EFL1: variants seen among roughly 807,000 people sequenced by gnomAD.
EFL1 encodes elongation factor like GTPase 1.
EFL1 carries 76 observed loss-of-function variants against 126.7 expected under a neutral mutation model. The ratio of observed to expected loss-of-function variants is 0.60; its 90% CI spans 0.50 to 0.73. EFL1 has a LOEUF of 0.73. Among genes scored for constraint, EFL1 ranks in the 30% least tolerant of loss-of-function variants. EFL1 has a pLI of 0.00. For synonymous variants in EFL1, 410 were observed against 448.4 expected (o/e 0.91, Z 1.08); for missense variants, 1,128 against 1,343.2 (o/e 0.84, Z 2.50).
At chr15:82,160,021 A>G (rs1285854643) in intron 16 of EFL1, 1 of 152,332 alleles carries the variant, frequency 6.6e-6, no homozygotes, top group African/African-American at 2.4e-5. Flanking sequence ...GATGGCTCCA[A>G]TCATCCTTGC....
intron 9 of EFL1, among the ~76,000 whole-genome samples, chr15:82,228,603 G>A (rs1245327632): frequency 6.6e-6 from 1 of 152,074 alleles, no homozygotes; most frequent in Non-Finnish European, 1.5e-5. Context: ...TTACAAATAA[G>A]TGCTAACAAG....
At chr15:82,143,406 G>A (rs972495070) in intron 18 of EFL1, among the ~76,000 whole-genome samples, 2 of 152,202 alleles carry the variant, frequency 1.3e-5, no homozygotes, top group African/African-American at 4.8e-5. Flanking sequence ...AGGAGAAAGA[G>A]CATTCTTTCA....
At chr15:82,255,391 G>A (rs1218584623) in intron 3 of EFL1, among the ~76,000 whole-genome samples, 1 of 152,140 alleles carries the variant, frequency 6.6e-6, no homozygotes, top group African/African-American at 2.4e-5. Context: ...GTTATTTATA[G>A]TCTCTGAATA....
intron 19 of EFL1, among the ~76,000 whole-genome samples, chr15:82,135,564 C>T (rs2073711856): frequency 6.6e-6 from 1 of 152,156 alleles, no homozygotes; most frequent in Non-Finnish European, 1.5e-5. Flanking sequence ...ATCATAGCTA[C>T]TTTACTCTGC....
intron 1 of EFL1, 128 bp downstream of exon 1, chr15:82,262,486 C>G (rs2075136506): frequency 5.2e-6 from 1 of 193,494 alleles, no homozygotes; most frequent in Admixed American, 6.4e-5. Flanking sequence ...CTCCGGGGAC[C>G]GAAGCTCCCA....
intron 4 of EFL1, among the ~76,000 whole-genome samples, chr15:82,245,780 A>T (rs540821765): frequency 2.6e-5 from 4 of 152,006 alleles, no homozygotes; most frequent in East Asian, 3.9e-4. Flanking sequence ...AAAAAAATTT[A>T]AAAAATTAGC....
intron 15 of EFL1, among the ~76,000 whole-genome samples, chr15:82,211,559 C>CACACTAGACACATACTAG (rs1595985618): frequency 7.5e-6 from 1 of 133,224 alleles, no homozygotes; most frequent in East Asian, 2.1e-4. Flanking sequence ...TACACACACA[C>CACACTAGACACATACTAG]ACACACACAC....
chr15:82,151,567 C>T lies in EFL1; in HGVS notation c.2887G>A (p.Ala963Thr). Residue 963 changes from alanine to threonine, a missense_variant, in exon 18 of 20, where the codon GCC becomes ACC. This residue lies in a region of EFL1 where 561 missense variants were observed against 641.7 expected (regional missense o/e 0.87). Coordinates refer to ENST00000268206, the MANE Select transcript of EFL1 (RefSeq NM_024580.6). The stretch of plus-strand genomic sequence containing the variant: ...TAGCGACATGCTTCTTTCATGGTGG[C>T]AATTAGCTGTCCTGAGAAAGGTCCA... ...CYGPFSGQLI[A>T]TMKEACRYAL... 6.2e-7 allele frequency: 1 copy of T among 1,614,098 alleles called. No individual in the cohort carries two copies. Among genetic ancestry groups the T allele is most frequent in the South Asian group, 1.1e-5 (1 of 91,070 alleles).
chr15:82,164,104 C>G, intron 15 of EFL1, 120 bp from the exon 16 acceptor site: 1 of 1,282,694 alleles, frequency 7.8e-7, no homozygotes, highest in Non-Finnish European at 1.1e-6. Flanking sequence ...CAAAATGTTG[C>G]AAGAAATGAG....
chr15:82,231,244 T>C (rs2074819359), intron 7 of EFL1, among the ~76,000 whole-genome samples: 1 of 152,150 alleles, frequency 6.6e-6, no homozygotes, highest in Non-Finnish European at 1.5e-5. Flanking sequence ...TTTCTTAATT[T>C]TGCAGGTGTA....
At chr15:82,143,519 C>T (rs556383885) in intron 18 of EFL1, among the ~76,000 whole-genome samples, 1 of 152,338 alleles carries the variant, frequency 6.6e-6, no homozygotes, top group Non-Finnish European at 1.5e-5. Context: ...CCAGGTCACA[C>T]TAACCTCTTC....
In EFL1 at chr15:82,212,464, C is replaced by T. The variant is rs143315239; in HGVS notation, c.1750+2253G>A. 3.8e-3 allele frequency among the ~76,000 whole-genome samples: 575 copies of T among 152,340 alleles called. 5 individuals carry two copies. Among genetic ancestry groups the T allele is most frequent in the African/African-American group, 0.013 (558 of 41,580 alleles). On this transcript the variant is annotated intron_variant, in intron 15 of 19. Coordinates refer to ENST00000268206, the MANE Select transcript of EFL1 (RefSeq NM_024580.6). ...ATACTATGGCCAGAATTTTGGTATA[C>T]TCATGCTTCCTAGTCATGCAGGGGA...
chr15:82,194,748 T>C (rs562450794), intron 15 of EFL1, among the ~76,000 whole-genome samples: 2 of 152,326 alleles, frequency 1.3e-5, no homozygotes, highest in Non-Finnish European at 2.9e-5. Flanking sequence ...TCCCTAGTTA[T>C]GAAAATAAAT....
At chr15:82,201,311 G>A (rs1374554555) in intron 15 of EFL1, among the ~76,000 whole-genome samples, 1 of 152,200 alleles carries the variant, frequency 6.6e-6, no homozygotes, top group African/African-American at 2.4e-5. Context: ...CTCTAAATCA[G>A]CAGGTCTGGG....
chr15:82,149,146 T>A (rs1358426193), intron 18 of EFL1, among the ~76,000 whole-genome samples: 1 of 152,172 alleles, frequency 6.6e-6, no homozygotes, highest in Non-Finnish European at 1.5e-5. Context: ...GGTGGTGATG[T>A]GACTTCTTTT....
At chr15:82,147,302 T>C (rs751353574) in intron 18 of EFL1, among the ~76,000 whole-genome samples, 179 of 152,262 alleles carry the variant, frequency 1.2e-3, no homozygotes, top group Admixed American at 2.2e-3. Context: ...AGAGCACGGA[T>C]AGGCACAGAC....
chr15:82,249,084 G>C (rs1299918212), intron 4 of EFL1, among the ~76,000 whole-genome samples: 2 of 151,962 alleles, frequency 1.3e-5, no homozygotes, highest in African/African-American at 2.4e-5. Flanking sequence ...TGAACTGAGA[G>C]TGATTTTTAT....
intron 15 of EFL1, among the ~76,000 whole-genome samples, chr15:82,178,192 C>T (rs113914168): frequency 2.6e-5 from 4 of 152,322 alleles, no homozygotes; most frequent in African/African-American, 9.6e-5. Context: ...TTTGAAGAAG[C>T]TTTCACAAGA....
chr15:82,203,242 T>C (rs1388589193), intron 15 of EFL1, among the ~76,000 whole-genome samples: 1 of 152,230 alleles, frequency 6.6e-6, no homozygotes, highest in Non-Finnish European at 1.5e-5. Flanking sequence ...CTTGTGTATT[T>C]CTCCTCAGTC....
Sources: gnomAD v4.1 joint callset for allele counts (sites outside exome capture counted in the v4.1 genomes callset) on GRCh38, gnomAD v4.1.1 for gene constraint, gnomAD v4.1.1 regional missense constraint, MANE v1.5 for transcripts, NCBI Gene and HGNC (gene_info 2026-07-23, HGNC 2026-07-21) for gene names.